Variants in TOX2 observed in about 807,000 individuals in gnomAD.
TOX2 encodes the protein granulosa cell HMG box 1.
Under a neutral mutation model 47.4 loss-of-function variants are expected in TOX2, and 15 were observed. The observed-to-expected ratio is 0.32, with a 90% confidence interval of 0.21 to 0.49. The LOEUF (loss-of-function observed/expected upper bound fraction) is 0.49. Among genes scored for constraint, TOX2 ranks in the 20% least tolerant of loss-of-function variants. The probability of loss-of-function intolerance (pLI) is 0.99; values close to 1 mark genes in which losing one functional copy is unlikely to be tolerated. For missense variants in TOX2, 622 were observed against 673.1 expected (o/e 0.92, Z 0.84); for synonymous variants, 290 against 296.6 (o/e 0.98, Z 0.23).
intron 1 of TOX2, among the ~76,000 whole-genome samples, chr20:43,954,846 G>C (rs772444184): frequency 6.6e-6 from 1 of 152,208 alleles, no homozygotes; most frequent in Non-Finnish European, 1.5e-5. Context: ...CCACTTAATA[G>C]CTATGAGACC....
chr20:44,007,398 G>A (rs2070705470), intron 3 of TOX2: 1 of 153,008 alleles, frequency 6.5e-6, no homozygotes, highest in African/African-American at 2.4e-5. Context: ...TCCTGGGAGA[G>A]GGGAACCACT....
chr20:43,935,981 C>T (rs140959241), intron 1 of TOX2, among the ~76,000 whole-genome samples: 66 of 150,424 alleles, frequency 4.4e-4, no homozygotes, highest in African/African-American at 1.9e-4. Context: ...AACCTGAATC[C>T]GTCTAGCTCT....
chr20:44,000,965 T>C (rs577152136), intron 2 of TOX2, among the ~76,000 whole-genome samples: 1 of 152,132 alleles, frequency 6.6e-6, no homozygotes, highest in East Asian at 1.9e-4. Context: ...ATGGAGGTCA[T>C]TGATGACCTT....
intron 1 of TOX2, among the ~76,000 whole-genome samples, chr20:43,964,389 G>A (rs1465878633): frequency 1.3e-5 from 2 of 152,194 alleles, no homozygotes; most frequent in Non-Finnish European, 2.9e-5. Flanking sequence ...CCGCACTCTC[G>A]GCAGGACCTA....
chr20:44,049,320 G>A (rs574443464), intron 3 of TOX2, among the ~76,000 whole-genome samples: 49 of 152,304 alleles, frequency 3.2e-4, no homozygotes, highest in African/African-American at 1.1e-3. Flanking sequence ...TGTAAGGACT[G>A]TGGAATATGT....
chr20:44,052,857 G>A (rs962909259), intron 4 of TOX2, among the ~76,000 whole-genome samples: 15 of 152,226 alleles, frequency 9.9e-5, no homozygotes, highest in African/African-American at 2.9e-4. Flanking sequence ...TGCTGTGCCT[G>A]TTCAGGACTT....
At chr20:44,057,126 G>A (rs564408109) in intron 5 of TOX2, among the ~76,000 whole-genome samples, 1 of 152,232 alleles carries the variant, frequency 6.6e-6, no homozygotes, top group South Asian at 2.1e-4. Flanking sequence ...GTCTTGCTGT[G>A]TTGCTCAGGC....
intron 1 of TOX2, among the ~76,000 whole-genome samples, chr20:43,936,037 G>A (rs1257119450): frequency 6.6e-6 from 1 of 152,024 alleles, no homozygotes; most frequent in African/African-American, 2.4e-5. Flanking sequence ...GCATGCACAG[G>A]GGTCTTTAGC....
At chr20:43,946,126 A>C in intron 1 of TOX2, 1 of 1,558,570 alleles carries the variant, frequency 6.4e-7, no homozygotes, top group Non-Finnish European at 8.7e-7. Flanking sequence ...GGATGGGGGC[A>C]GGCAGGGACC....
At chr20:44,025,572 T>A (rs1389501552) in intron 3 of TOX2, among the ~76,000 whole-genome samples, 1 of 576 alleles carries the variant, frequency 1.7e-3, no homozygotes, top group East Asian at 0.17. Flanking sequence ...ATCAGAGTTC[T>A]CCCCCTCATG....
intron 1 of TOX2, among the ~76,000 whole-genome samples, chr20:43,951,707 G>GTGTTTTTTTTTTTTTTTTTTTTTTTTT (rs2069570989): frequency 1.8e-5 from 1 of 55,098 alleles, no homozygotes; most frequent in African/African-American, 5.4e-5. Context: ...AACTTATTAT[G>GTGTTTTTTTTTTTTTTTTTTTTTTTTT]TTTTTTTTTT....
In TOX2 at chr20:44,060,713, G is replaced by A. The variant is rs188989985; in HGVS notation, c.880-4064G>A. Among the ~76,000 whole-genome samples the A allele has an allele frequency of 1.9e-3, 289 of 152,190 alleles. 3 individuals carry two copies. Among genetic ancestry groups the A allele is most frequent in the African/African-American group, 5.9e-3 (246 of 41,534 alleles). On this transcript the variant is annotated intron_variant, in intron 5 of 8. Transcript: ENST00000341197. ...TATTATAAAATTATTTGAACTGAACGATAATAGTGACATAACCTATCAAAA... is the reference window on the plus strand; with the variant it reads ...TATTATAAAATTATTTGAACTGAACAATAATAGTGACATAACCTATCAAAA...
At chr20:44,031,270 T>A (rs2071146697) in intron 3 of TOX2, among the ~76,000 whole-genome samples, 5 of 152,188 alleles carry the variant, frequency 3.3e-5, no homozygotes, top group Admixed American at 3.3e-4. Context: ...CGCTGTTCCT[T>A]GGTAGCATAA....
At chr20:44,029,666 G>A (rs1020525304) in intron 3 of TOX2, among the ~76,000 whole-genome samples, 2 of 152,130 alleles carry the variant, frequency 1.3e-5, no homozygotes, top group African/African-American at 4.8e-5. Context: ...TGCTGTGATG[G>A]GAACACCTGC....
intron 2 of TOX2, among the ~76,000 whole-genome samples, 153 bp from the exon 3 acceptor site, chr20:44,006,394 C>T (rs1219523256): frequency 6.6e-6 from 1 of 152,178 alleles, no homozygotes; most frequent in East Asian, 1.9e-4. Context: ...GTTAGGGCAC[C>T]GTCTTGACCC....
chr20:43,955,955 G>A (rs981455370), intron 1 of TOX2, among the ~76,000 whole-genome samples: 1 of 152,140 alleles, frequency 6.6e-6, no homozygotes, highest in Non-Finnish European at 1.5e-5. Flanking sequence ...TGTGGCCCTT[G>A]AAGCTCCCTT....
intron 1 of TOX2, among the ~76,000 whole-genome samples, chr20:43,971,298 A>G (rs1353912846): frequency 1.3e-5 from 2 of 152,230 alleles, no homozygotes; most frequent in African/African-American, 4.8e-5. Flanking sequence ...AGCAATGAAT[A>G]TAGTAAATAT....
intron 3 of TOX2, among the ~76,000 whole-genome samples, chr20:44,043,114 A>C (rs191463315): frequency 6.6e-6 from 1 of 152,310 alleles, no homozygotes; most frequent in Admixed American, 6.5e-5. Flanking sequence ...GATGTCACTC[A>C]GGGACTTGGA....
intron 1 of TOX2, among the ~76,000 whole-genome samples, chr20:43,956,107 T>C (rs900143453): frequency 2.6e-5 from 4 of 152,244 alleles, no homozygotes; most frequent in Non-Finnish European, 4.4e-5. Flanking sequence ...GTGTGCATGC[T>C]GCGGGTAGAT....
Sources: gnomAD v4.1 joint callset for allele counts (sites outside exome capture counted in the v4.1 genomes callset) on GRCh38, gnomAD v4.1.1 for gene constraint, MANE v1.5 for transcripts, NCBI Gene and HGNC (gene_info 2026-07-23, HGNC 2026-07-21) for gene names.